Variants in CALD1 observed in about 807,000 individuals in gnomAD.
CALD1 encodes caldesmon.
Under a neutral mutation model 99.9 loss-of-function variants are expected in CALD1, and 33 were observed. That is an observed-to-expected ratio of 0.33 (90% confidence interval 0.25 to 0.44). The LOEUF (loss-of-function observed/expected upper bound fraction) is 0.44, where lower values mean the gene tolerates loss of function less well. CALD1 is among the 20% of genes least tolerant of loss of function. CALD1 has a pLI of 1.00. For missense variants in CALD1, 861 were observed against 962.1 expected, an observed-to-expected ratio of 0.89 and a Z score of 1.39; for synonymous variants, 310 against 325.0, an observed-to-expected ratio of 0.95 and a Z score of 0.50.
At chr7:134,884,905 G>A (rs958930910) in intron 3 of CALD1, among the ~76,000 whole-genome samples, 1 of 152,090 alleles carries the variant, frequency 6.6e-6, no homozygotes, top group Non-Finnish European at 1.5e-5. Context: ...ATAAGACTGT[G>A]TATTTGTATT....
At chr7:134,945,279 G>A (rs974834535) in intron 7 of CALD1, among the ~76,000 whole-genome samples, 2 of 152,142 alleles carry the variant, frequency 1.3e-5, no homozygotes, top group Non-Finnish European at 1.5e-5. Flanking sequence ...TCTCAGGCAC[G>A]GAAGGTAGCT....
intron 1 of CALD1, among the ~76,000 whole-genome samples, chr7:134,791,189 G>A (rs1161328582): frequency 6.6e-6 from 1 of 152,096 alleles, no homozygotes; most frequent in Non-Finnish European, 1.5e-5. Flanking sequence ...GACACAATGG[G>A]CACTTTATTT....
At chr7:134,909,699 A>C (rs542944193) in intron 3 of CALD1, among the ~76,000 whole-genome samples, 1 of 152,286 alleles carries the variant, frequency 6.6e-6, no homozygotes, top group East Asian at 1.9e-4. Context: ...CTCAAAAAAA[A>C]AGGAACTTCG....
At chr7:134,928,617 C>G (rs1421271365) in intron 3 of CALD1, 137 bp from the exon 4 acceptor site, 2 of 722,872 alleles carry the variant, frequency 2.8e-6, no homozygotes, top group East Asian at 5.9e-5. Flanking sequence ...ACTTAAGGAA[C>G]TGAACCATCC....
At chr7:134,858,762 G>T (rs1170716034) in intron 2 of CALD1, among the ~76,000 whole-genome samples, 5 of 151,988 alleles carry the variant, frequency 3.3e-5, no homozygotes, top group Admixed American at 2.6e-4. Context: ...TAGAGACAGG[G>T]TTTCACCATG....
intron 1 of CALD1, among the ~76,000 whole-genome samples, chr7:134,789,126 T>C (rs995369946): frequency 6.6e-6 from 1 of 151,594 alleles, no homozygotes; most frequent in Non-Finnish European, 1.5e-5. Flanking sequence ...ATGAATTGTA[T>C]CATTGTTCAG....
chr7:134,870,050 T>C (rs375816995), intron 3 of CALD1, among the ~76,000 whole-genome samples: 2 of 152,296 alleles, frequency 1.3e-5, no homozygotes, highest in East Asian at 3.9e-4. Flanking sequence ...CTCATGATAG[T>C]CTACAAAATA....
intron 1 of CALD1, among the ~76,000 whole-genome samples, chr7:134,792,591 C>T (rs1342487751): frequency 6.6e-6 from 1 of 151,850 alleles, no homozygotes; most frequent in African/African-American, 2.4e-5. Context: ...TGAGCCTAGC[C>T]TCCTCTTCTT....
At chr7:134,868,528 A>G (rs1056332530) in intron 3 of CALD1, among the ~76,000 whole-genome samples, 2 of 152,258 alleles carry the variant, frequency 1.3e-5, no homozygotes, top group African/African-American at 4.8e-5. Flanking sequence ...AGGCATTCAC[A>G]GAGAGAAAAA....
the CALD1 span, among the ~76,000 whole-genome samples, chr7:134,732,678 G>A: frequency 1.3e-5 from 2 of 152,186 alleles, no homozygotes; most frequent in African/African-American, 4.8e-5. Context: ...ACCAAGACAG[G>A]TTCTCTACCT....
chr7:134,873,839 T>C (rs543546742), intron 3 of CALD1, among the ~76,000 whole-genome samples: 2 of 152,318 alleles, frequency 1.3e-5, no homozygotes, highest in South Asian at 4.1e-4. Context: ...AGGTAAGACA[T>C]GAAAGTATTA....
chr7:134,808,214 C>T (rs1798222291), intron 1 of CALD1, among the ~76,000 whole-genome samples: 1 of 151,770 alleles, frequency 6.6e-6, no homozygotes, highest in South Asian at 2.1e-4. Context: ...AATCCTCCCA[C>T]CTCAGCTTCC....
chr7:134,791,606 G>C (rs1282096971), intron 1 of CALD1, among the ~76,000 whole-genome samples: 3 of 152,106 alleles, frequency 2.0e-5, no homozygotes, highest in Non-Finnish European at 4.4e-5. Context: ...GCCATACAGA[G>C]TGCCCACATT....
intron 3 of CALD1, chr7:134,891,654 A>G (rs1360856531): frequency 1.2e-6 from 2 of 1,605,342 alleles, no homozygotes; most frequent in Non-Finnish European, 8.5e-7. Context: ...TGGAAGACGC[A>G]GCCTGGCCGC....
At chr7:134,907,650 T>G (rs1803493454) in intron 3 of CALD1, among the ~76,000 whole-genome samples, 3 of 152,188 alleles carry the variant, frequency 2.0e-5, no homozygotes, top group Admixed American at 2.0e-4. Context: ...AGGATTGTGT[T>G]TTTTTGGTTT....
intron 1 of CALD1, among the ~76,000 whole-genome samples, chr7:134,758,340 G>A (rs1459903404): frequency 1.3e-5 from 2 of 152,118 alleles, no homozygotes; most frequent in Non-Finnish European, 2.9e-5. Flanking sequence ...AAATATATAG[G>A]CACACACATT....
At position 134,924,384 on chromosome 7, in the gene CALD1, G is replaced by A. The variant is rs185082434; in HGVS notation, c.72-4370G>A. 3.6e-3 allele frequency among the ~76,000 whole-genome samples: 550 copies of A among 151,498 alleles called. 1 individual carries two copies. The highest frequency in any genetic ancestry group is 5.7e-3 in the Non-Finnish European group (387 of 67,834). On this transcript the variant is annotated intron_variant, in intron 3 of 14. Transcript: ENST00000361675. ...TTCAGGGTACTTTTTTTTCAATTTC[G>A]GAAGAAAAAATAATAAACCTGTGGT... is the stretch of plus-strand genomic sequence containing the variant.
chr7:134,959,360 A>C (rs955113922), intron 11 of CALD1, among the ~76,000 whole-genome samples: 1 of 151,988 alleles, frequency 6.6e-6, no homozygotes, highest in African/African-American at 2.4e-5. Flanking sequence ...AGTGCCCTTC[A>C]TACAGTAGGC....
intron 2 of CALD1, among the ~76,000 whole-genome samples, chr7:134,863,371 T>C (rs962137554): frequency 6.6e-6 from 1 of 152,236 alleles, no homozygotes; most frequent in Non-Finnish European, 1.5e-5. Context: ...ACAACAGATT[T>C]TATTCTTCTT....
Sources: allele counts gnomAD v4.1 joint callset (sites outside exome capture counted in the v4.1 genomes callset), GRCh38; gene constraint gnomAD v4.1.1; transcripts MANE v1.5; gene names NCBI Gene and HGNC (gene_info 2026-07-23, HGNC 2026-07-21).